Variants in MIER2 observed in about 807,000 individuals in gnomAD.
MIER2 encodes the protein mesoderm induction early response protein 2.
MIER2 carries 30 observed loss-of-function variants against 67.6 expected under a neutral mutation model. That is an observed-to-expected ratio of 0.44 (90% CI 0.33 to 0.60). MIER2 has a LOEUF of 0.60. Ranked by LOEUF, MIER2 falls within the 20% of genes least tolerant of loss-of-function variation. The probability of loss-of-function intolerance (pLI) is 0.02; values close to 1 mark genes in which losing one functional copy is unlikely to be tolerated. For missense variants in MIER2, 702 were observed against 745.1 expected (o/e 0.94, Z 0.67); for synonymous variants, 372 against 312.6 (o/e 1.19, Z -2.00).
intron 7 of MIER2, among the ~76,000 whole-genome samples, chr19:317,998 G>C (rs1017449014): frequency 6.6e-6 from 1 of 151,998 alleles, no homozygotes; most frequent in African/African-American, 2.4e-5. Context: ...GAGGTCTAGA[G>C]ATTGAGACCA....
In MIER2 at chr19:336,097, A is replaced by G. The variant is rs775008316; in HGVS notation, c.86T>C (p.Leu29Ser). ...GAGGAAGGTACCTGCTGTTGTCTGC[A>G]AGCCCGGCTCCCCTGGGCACAGGCT... ...EHSLCPGEPGLQTTAVVSMGS... is the reference protein window; with the variant it reads ...EHSLCPGEPGSQTTAVVSMGS... The change falls in exon 2 of 14, where the codon TTG becomes TCG. Residue 29 changes from leucine to serine, a missense_variant. This residue lies in a region of MIER2 where 320 missense variants were observed against 292.6 expected (regional missense o/e 1.09). Coordinates refer to ENST00000264819, the MANE Select transcript of MIER2 (RefSeq NM_017550.3). 1.2e-6 allele frequency: 2 copies of G among 1,613,818 alleles called. No individual in the cohort carries two copies. Among genetic ancestry groups the G allele is most frequent in the South Asian group, 1.1e-5 (1 of 91,044 alleles).
At chr19:327,594 G>A (rs1225452619) in intron 4 of MIER2, among the ~76,000 whole-genome samples, 1 of 152,222 alleles carries the variant, frequency 6.6e-6, no homozygotes, top group East Asian at 1.9e-4. Context: ...TGACCTCTGG[G>A]TACGGAATGG....
At chr19:332,408 T>G (rs2145511100) in intron 3 of MIER2, among the ~76,000 whole-genome samples, 2 of 152,172 alleles carry the variant, frequency 1.3e-5, no homozygotes, top group East Asian at 3.9e-4. Flanking sequence ...GTTCAAGCGA[T>G]TCTCCTGCCT....
intron 3 of MIER2, 191 bp downstream of exon 3, chr19:334,209 G>GTGC: frequency 1.4e-6 from 1 of 725,668 alleles, no homozygotes; most frequent in Non-Finnish European, 2.3e-6. Context: ...CTTGACCACC[G>GTGC]TGCTGCTCAG....
intron 1 of MIER2, among the ~76,000 whole-genome samples, chr19:338,170 CAAAAAAA>C (rs34351754): frequency 1.3e-5 from 1 of 76,860 alleles, no homozygotes; most frequent in Non-Finnish European, 2.6e-5. Context: ...GACTCCATCT[CAAAAAAA>C]AAAAAAAAAA....
intron 5 of MIER2, 105 bp downstream of exon 5, chr19:327,028 G>A: frequency 7.0e-7 from 1 of 1,437,876 alleles, no homozygotes; most frequent in African/African-American, 1.4e-5. Context: ...GCCCTCATCT[G>A]TGATGAGTTC....
At chr19:330,585 G>A (rs1484440399) in intron 3 of MIER2, among the ~76,000 whole-genome samples, 1 of 151,736 alleles carries the variant, frequency 6.6e-6, no homozygotes. Flanking sequence ...TTATGATAAG[G>A]CTGGTGGTGA....
chr19:306,726 C>A lies in MIER2; in HGVS notation c.1617-15G>T. ...TCACGTTACAGCTGCAGGGGAGAGA[C>A]CAAGAGAGACGCAGAGAGTGTCAGT... On this transcript the variant is annotated splice_polypyrimidine_tract_variant and intron_variant, in intron 13 of 13. Transcript: ENST00000264819. 1.3e-6 allele frequency: 2 copies of A among 1,558,866 alleles called. No homozygotes were observed. The highest frequency in any genetic ancestry group is 1.7e-6 in the Non-Finnish European group (2 of 1,151,400).
chr19:307,668 A>C, intron 12 of MIER2, 132 bp from the exon 13 acceptor site: 10 of 948,886 alleles, frequency 1.1e-5, no homozygotes, highest in Non-Finnish European at 1.3e-5. Context: ...ACAAATACAA[A>C]AGACACCAGT....
At chr19:318,197 G>T (rs1397490016) in intron 7 of MIER2, among the ~76,000 whole-genome samples, 1 of 152,062 alleles carries the variant, frequency 6.6e-6, no homozygotes, top group Non-Finnish European at 1.5e-5. Context: ...CAAAAAACAA[G>T]ATCTAAACAT....
chr19:313,643 A>G lies in MIER2; in HGVS notation c.656T>C (p.Ile219Thr). ...NLHLNRHCEK[I>T]YENEDQLLWD... ...GAGCAGCTGGTCTTCGTTCTCGTAGACTGCACAAGCAGAGGGCAAAGGTCA... is the reference window on the plus strand; with the variant it reads ...GAGCAGCTGGTCTTCGTTCTCGTAGGCTGCACAAGCAGAGGGCAAAGGTCA... Residue 219 changes from isoleucine (I) to threonine (T), a missense_variant and splice_region_variant, in exon 8 of 14, where the codon ATC becomes ACC. Around this residue, in one of 3 missense-constraint regions of MIER2, gnomAD observed 320 missense variants for 292.6 expected, o/e 1.09. Transcript: ENST00000264819. The G allele has an allele frequency of 6.2e-7, 1 of 1,610,242 alleles. No homozygotes were observed.
intron 7 of MIER2, among the ~76,000 whole-genome samples, chr19:319,822 G>A (rs4897946): frequency 0.27 from 41,496 of 151,954 alleles, 6,443 homozygotes; most frequent in East Asian, 0.65. Flanking sequence ...ACACATTCAC[G>A]AAAGCAGCAT....
intron 2 of MIER2, among the ~76,000 whole-genome samples, chr19:335,198 C>A (rs1328255089): frequency 6.7e-6 from 1 of 149,354 alleles, no homozygotes; most frequent in Non-Finnish European, 1.5e-5. Context: ...ATAGCTAGGG[C>A]TCAATCAATC....
At chr19:343,857 C>G (rs905350827) in intron 1 of MIER2, 1 of 985,306 alleles carries the variant, frequency 1.0e-6, no homozygotes, top group African/African-American at 1.7e-5. Context: ...GAAAGCAAGT[C>G]CACACAGGCT....
In MIER2 at chr19:309,617, GAC is replaced by G. The variant is rs752027099; in HGVS notation, c.985-694_985-693del. Among the ~76,000 whole-genome samples, 7 of 92,022 alleles carry G rather than the reference GAC, an allele frequency of 7.6e-5. 1 individual carries two copies. Among genetic ancestry groups the G allele is most frequent in the East Asian group, 2.6e-4 (1 of 3,860 alleles). 60.4% of individuals were successfully genotyped at this position (92,022 alleles called of 152,430 possible). A position where few individuals can be genotyped will look rare whatever the true frequency, so the allele number is the denominator to read the frequency against. ...ACAAGGCTTCAGGGAGACGAGAAGGGACACACACACGCACACAAGGCTTCAGG... is the reference window on the plus strand; with the variant it reads ...ACAAGGCTTCAGGGAGACGAGAAGGGACACACACGCACACAAGGCTTCAGG... On this transcript the variant is annotated intron_variant, in intron 10 of 13. Coordinates refer to ENST00000264819, the MANE Select transcript of MIER2 (RefSeq NM_017550.3).
chr19:344,554 T>G (rs913219416), intron 1 of MIER2: 26 of 265,938 alleles, frequency 9.8e-5, no homozygotes, highest in Admixed American at 2.2e-4. Flanking sequence ...CAGCCCGCGA[T>G]GTGGCAGCCG....
chr19:334,519 G>A lies in MIER2; in HGVS notation c.124C>T (p.His42Tyr), dbSNP rs752184848. 33 of 1,613,908 alleles carry A rather than the reference G, an allele frequency of 2.0e-5. No individual in the cohort carries two copies. In the Admixed American group the frequency reaches 5.5e-4, roughly 27 times the overall value. ...AGGATCTCTGCGAGGTTGAACTGAT[G>A]GTCTCCAGAGCCCATGGACACCACT... Reference protein sequence around the residue: ...TAVVSMGSGDHQFNLAEILSQ... With the variant: ...TAVVSMGSGDYQFNLAEILSQ... Residue 42 changes from histidine to tyrosine, a missense_variant, in exon 3 of 14, where the codon CAT (histidine) becomes TAT (tyrosine). Transcript: ENST00000264819.
At chr19:326,714 G>T in intron 5 of MIER2, 116 bp from the exon 6 acceptor site, 1 of 832,894 alleles carries the variant, frequency 1.2e-6, no homozygotes, top group Non-Finnish European at 2.0e-6. Context: ...CCCTCTCTCT[G>T]GCCAGACATT....
intron 7 of MIER2, among the ~76,000 whole-genome samples, chr19:322,546 AAG>A (rs765763424): frequency 6.6e-6 from 1 of 152,156 alleles, no homozygotes; most frequent in Non-Finnish European, 1.5e-5. Flanking sequence ...GGAGCACGCA[AAG>A]AGAGAATATC....
Sources: gnomAD v4.1 joint callset for allele counts (sites outside exome capture counted in the v4.1 genomes callset) on GRCh38, gnomAD v4.1.1 for gene constraint, gnomAD v4.1.1 regional missense constraint, MANE v1.5 for transcripts, NCBI Gene and HGNC (gene_info 2026-07-23, HGNC 2026-07-21) for gene names.